The following TCOF1 variants were observed in gnomAD, a reference collection of about 807,000 sequenced individuals.
TCOF1 encodes treacle ribosome biogenesis factor 1.
A neutral mutation model predicts 149.0 loss-of-function variants in TCOF1; 33 were observed. The ratio of observed to expected loss-of-function variants is 0.22; its 90% CI spans 0.17 to 0.30. TCOF1 has a LOEUF of 0.30. TCOF1 is among the 10% of genes least tolerant of loss of function. The pLI is 1.00. For missense variants in TCOF1, 1,728 were observed against 1,840.7 expected, an observed-to-expected ratio of 0.94 and a Z score of 1.12; for synonymous variants, 789 against 738.8, an observed-to-expected ratio of 1.07 and a Z score of -1.10.
chr5:150,379,449 T>TA, intron 16 of TCOF1, 41 bp downstream of exon 16: 2 of 1,613,966 alleles, frequency 1.2e-6, no homozygotes, highest in Admixed American at 3.3e-5. Context: ...ACATGGGATG[T>TA]AACACCTTTG....
chr5:150,379,188 A>C, intron 15 of TCOF1, 41 bp from the exon 16 acceptor site: 1 of 1,614,096 alleles, frequency 6.2e-7, no homozygotes, highest in Non-Finnish European at 8.5e-7. Flanking sequence ...CCTGAAAGGA[A>C]TCACTTTTGC....
chr5:150,361,279 G>A lies in TCOF1; in HGVS notation c.164+68G>A, dbSNP rs1760026691. On this transcript the variant is annotated intron_variant, in intron 2 of 26. Transcript: ENST00000643257. ...CAAGCAACTCAGCTTGGAATAAGCTGGGATACCTATCTGGTCTAAGATCTG... is the reference window on the plus strand; with the variant it reads ...CAAGCAACTCAGCTTGGAATAAGCTAGGATACCTATCTGGTCTAAGATCTG... The A allele has an allele frequency of 1.9e-6, 3 of 1,579,506 alleles. No individual in the cohort carries two copies. The South Asian group carries it at 3.3e-5, about 17-fold the overall frequency.
At chr5:150,393,139 A>C in intron 22 of TCOF1, 1 of 604,086 alleles carries the variant, frequency 1.7e-6, no homozygotes, top group Non-Finnish European at 2.9e-6. Context: ...TTAATAAGAA[A>C]TTTCCTTTTT....
Position 150,367,484 on chromosome 5 carries a change from A to G in TCOF1, c.305-360A>G, listed in dbSNP as rs573071212. On this transcript the variant is annotated intron_variant, in intron 3 of 26. Coordinates refer to ENST00000643257, the MANE Select transcript of TCOF1 (RefSeq NM_001371623.1). ...CTTGCCGAACAGCTTTCAGGGCTAC[A>G]GTGTGGTGGCCTGTGTGAATGGTGC... is the stretch of plus-strand genomic sequence containing the variant. 9.4e-4 allele frequency: 287 copies of G among 303,748 alleles called. 6 individuals are homozygous for G. Among genetic ancestry groups the G allele is most frequent in the South Asian group, 8.6e-3 (270 of 31,232 alleles). The allele number at this position is 303,748 out of a possible 1,614,324, so 18.8% of individuals were successfully genotyped here.
chr5:150,376,013 G>A (rs1763712447), intron 12 of TCOF1, 69 bp from the exon 13 acceptor site: 1 of 1,613,562 alleles, frequency 6.2e-7, no homozygotes, highest in Non-Finnish European at 8.5e-7. Context: ...GTTTTGGCTG[G>A]TGGGGCAGAA....
At chr5:150,385,620 G>A (rs1290661436) in intron 17 of TCOF1, among the ~76,000 whole-genome samples, 3 of 152,160 alleles carry the variant, frequency 2.0e-5, no homozygotes, top group African/African-American at 4.8e-5. Context: ...AGGGTCCGCA[G>A]CCTAGGCCAT....
chr5:150,386,529 CT>C (rs1336059091), intron 17 of TCOF1, among the ~76,000 whole-genome samples: 2 of 152,200 alleles, frequency 1.3e-5, no homozygotes, highest in Non-Finnish European at 2.9e-5. Flanking sequence ...TTACTTTTTA[CT>C]TTATGCCTCT....
intron 23 of TCOF1, 51 bp from the exon 24 acceptor site, chr5:150,396,231 A>ATCTG: frequency 6.2e-7 from 1 of 1,604,066 alleles, no homozygotes; most frequent in Non-Finnish European, 8.5e-7. Flanking sequence ...GTACCATAAG[A>ATCTG]TCTGTCCCCC....
rs761044425 is a variant in TCOF1, at chr5:150,375,805, GTCCA to G, written c.1790_1793del (p.Val597GlyfsTer30). 1.7e-5 allele frequency: 27 copies of G among 1,614,232 alleles called. No homozygotes were observed. Among genetic ancestry groups the G allele is most frequent in the Non-Finnish European group, 2.3e-5 (27 of 1,180,044 alleles). On this transcript the variant is annotated frameshift_variant, in exon 12 of 27. Coordinates refer to ENST00000643257, the MANE Select transcript of TCOF1 (RefSeq NM_001371623.1). LOFTEE classifies it high-confidence loss of function. The stretch of plus-strand genomic sequence containing the variant: ...CCCTCAGAAGGCAGGGCCTGTAGCC[GTCCA>G]GGTCAAGGCTGAAAAGCCCATGGAC...
At chr5:150,367,133 G>A (rs77590100) in intron 3 of TCOF1, among the ~76,000 whole-genome samples, 4 of 151,284 alleles carry the variant, frequency 2.6e-5, no homozygotes, top group South Asian at 2.1e-4. Context: ...GTGAAACCCC[G>A]TCTCTATTAA....
At chr5:150,362,499 A>G (rs1278413353) in intron 2 of TCOF1, among the ~76,000 whole-genome samples, 1 of 152,166 alleles carries the variant, frequency 6.6e-6, no homozygotes, top group Non-Finnish European at 1.5e-5. Flanking sequence ...GAGGCCCCGG[A>G]GACAGAAGTG....
At chr5:150,363,026 G>A (rs1410886083) in intron 2 of TCOF1, among the ~76,000 whole-genome samples, 1 of 152,104 alleles carries the variant, frequency 6.6e-6, no homozygotes, top group Non-Finnish European at 1.5e-5. Context: ...TGAAAATAAT[G>A]ATGGCAATTA....
intron 1 of TCOF1, among the ~76,000 whole-genome samples, chr5:150,360,172 C>T (rs1457791024): frequency 3.3e-5 from 5 of 152,210 alleles, no homozygotes; most frequent in African/African-American, 9.7e-5. Context: ...AGGTAGGTAT[C>T]GCTGTTGTCC....
intron 14 of TCOF1, among the ~76,000 whole-genome samples, chr5:150,377,361 A>T (rs1764042848): frequency 6.6e-6 from 1 of 152,216 alleles, no homozygotes. Flanking sequence ...TGCTACACCC[A>T]GCAAGGGAGC....
intron 3 of TCOF1, among the ~76,000 whole-genome samples, chr5:150,365,996 T>G (rs1183810082): frequency 2.0e-5 from 3 of 151,330 alleles, no homozygotes; most frequent in Non-Finnish European, 3.0e-5. Flanking sequence ...TGGCGTGTGC[T>G]TGTAGTTTCA....
intron 17 of TCOF1, among the ~76,000 whole-genome samples, chr5:150,382,326 G>C (rs1211718846): frequency 6.6e-6 from 1 of 152,118 alleles, no homozygotes; most frequent in Non-Finnish European, 1.5e-5. Context: ...AACAGAGTGA[G>C]GGTTCTATTA....
At chr5:150,371,955 G>T (rs1056995085) in intron 6 of TCOF1, 51 bp from the exon 7 acceptor site, 2 of 1,543,772 alleles carry the variant, frequency 1.3e-6, no homozygotes, top group African/African-American at 1.4e-5. Context: ...CAGAACCTTA[G>T]GGGGAAACAG....
rs1378697447 is a variant in TCOF1 at position 150,358,204 on chromosome 5, C to G, written c.108+350C>G. Among the ~76,000 whole-genome samples, 4 of 152,180 alleles carry G rather than the reference C, an allele frequency of 2.6e-5. No individual in the cohort carries two copies. In the East Asian group the frequency reaches 7.8e-4, roughly 29 times the overall value. On this transcript the variant is annotated intron_variant, in intron 1 of 26. Coordinates refer to ENST00000643257, the MANE Select transcript of TCOF1 (RefSeq NM_001371623.1). ...ACGTGGCTAGGCTCTGCGCGGCCCCCCCTGGGGCAAGGAGGTTGCTGCGAG... is the reference window on the plus strand; with the variant it reads ...ACGTGGCTAGGCTCTGCGCGGCCCCGCCTGGGGCAAGGAGGTTGCTGCGAG...
At position 150,391,547 on chromosome 5, in the gene TCOF1, T is replaced by G; in HGVS notation, c.3187T>G (p.Ser1063Ala). The stretch of plus-strand genomic sequence containing the variant: ...GGCTACCTCTTGCCACCCACAGGTG[T>G]CAAAGAAGAACCCAGCTTCCCTCCC... ...KKQEGPATQV[S>A]KKNPASLPLT... is the part of the protein sequence containing the mutation. The change falls in exon 20 of 27, where the codon TCA becomes GCA. Residue 1063 changes from serine to alanine, a missense_variant. This residue lies in a region of TCOF1 where 1,696 missense variants were observed against 1,765.4 expected (regional missense o/e 0.96). Coordinates refer to ENST00000643257, the MANE Select transcript of TCOF1 (RefSeq NM_001371623.1). The G allele has an allele frequency of 6.2e-7, 1 of 1,613,472 alleles. No individual in the cohort carries two copies.
Sources: gnomAD v4.1 joint callset for allele counts (sites outside exome capture counted in the v4.1 genomes callset) on GRCh38, gnomAD v4.1.1 for gene constraint, gnomAD v4.1.1 regional missense constraint, MANE v1.5 for transcripts, NCBI Gene and HGNC (gene_info 2026-07-23, HGNC 2026-07-21) for gene names.